Variants in HIPK2 observed in about 807,000 individuals in gnomAD.
The protein encoded by HIPK2 is homeodomain-interacting protein kinase 2.
HIPK2 carries 27 observed loss-of-function variants against 113.7 expected under a neutral mutation model. That is an observed-to-expected ratio of 0.24 (90% CI 0.17 to 0.33). The LOEUF is 0.33. HIPK2 is among the 10% of genes least tolerant of loss of function. The pLI, the probability that HIPK2 is intolerant of heterozygous loss-of-function variation, is 1.00. For synonymous variants in HIPK2, 631 were observed against 642.2 expected, an observed-to-expected ratio of 0.98 and a Z score of 0.26; for missense variants, 1,257 against 1,588.0, an observed-to-expected ratio of 0.79 and a Z score of 3.54.
In HIPK2 at chr7:139,600,610, G is replaced by T. The variant is rs766822131; in HGVS notation, c.2256-14C>A. ...GCATGCGTATTTCTGAAAGGCAACC[G>T]GGACAACAAGGTGCCTTAGAGGTGT... is the stretch of plus-strand genomic sequence containing the variant. On this transcript the variant is annotated splice_polypyrimidine_tract_variant and intron_variant, in intron 10 of 14. Transcript: ENST00000406875. The T allele has an allele frequency of 6.2e-7, 1 of 1,612,770 alleles. No homozygotes were observed. Among genetic ancestry groups the T allele is most frequent in the South Asian group, 1.1e-5 (1 of 90,956 alleles).
intron 2 of HIPK2, among the ~76,000 whole-genome samples, chr7:139,693,877 T>G (rs1477899105): frequency 3.3e-5 from 5 of 152,160 alleles, no homozygotes; most frequent in Non-Finnish European, 5.9e-5. Context: ...TAAAATGCAG[T>G]ATCCCGCAGG....
intron 2 of HIPK2, among the ~76,000 whole-genome samples, chr7:139,673,885 T>TAAA (rs60905469): frequency 7.5e-4 from 55 of 73,444 alleles, no homozygotes; most frequent in Non-Finnish European, 1.1e-3. Flanking sequence ...CTATCTGTAC[T>TAAA]AAAAAAAAAA....
At chr7:139,607,316 C>T (rs1799654103) in intron 9 of HIPK2, among the ~76,000 whole-genome samples, 1 of 149,418 alleles carries the variant, frequency 6.7e-6, no homozygotes, top group Non-Finnish European at 1.5e-5. Flanking sequence ...AAGAAATTAT[C>T]AAAGGAAAAA....
intron 1 of HIPK2, among the ~76,000 whole-genome samples, chr7:139,738,733 A>T (rs1796016393): frequency 6.6e-6 from 1 of 152,218 alleles, no homozygotes; most frequent in African/African-American, 2.4e-5. Flanking sequence ...GTATAGGGGT[A>T]GTCTTTGTAC....
chr7:139,576,789 G>C (rs1386754879), intron 13 of HIPK2, among the ~76,000 whole-genome samples: 1 of 152,258 alleles, frequency 6.6e-6, no homozygotes, highest in Non-Finnish European at 1.5e-5. Context: ...GGACAGGGCA[G>C]GACAGGGCAT....
Position 139,614,295 on chromosome 7 carries a change from CG to C in HIPK2, c.1980del (p.Gly661AlafsTer63). ...PFQQALIVCP[P>X]GFQGLQASPS... The stretch of plus-strand genomic sequence containing the variant: ...GGCTGCTCAATCTTACCTTGGAAGC[CG>C]GGGGGACACACGATGAGAGCTTGCT... On this transcript the variant is annotated frameshift_variant, in exon 8 of 15. Coordinates refer to ENST00000406875, the MANE Select transcript of HIPK2 (RefSeq NM_022740.5). LOFTEE classifies it high-confidence loss of function. The C allele has an allele frequency of 1.7e-5, 26 of 1,506,552 alleles. No individual in the cohort carries two copies. Among genetic ancestry groups the C allele is most frequent in the South Asian group, 6.4e-5 (5 of 78,036 alleles). The allele number at this position is 1,506,552 out of a possible 1,614,324, so 93.3% of individuals were successfully genotyped here. A position where few individuals can be genotyped will look rare whatever the true frequency, so the allele number is the denominator to read the frequency against.
In HIPK2 at chr7:139,621,793, C is replaced by T. The variant is rs552430034; in HGVS notation, c.1620-1230G>A. 2.4e-4 allele frequency among the ~76,000 whole-genome samples: 37 copies of T among 151,654 alleles called. 1 individual carries two copies. The South Asian group carries it at 7.1e-3, about 29-fold the overall frequency. On this transcript the variant is annotated intron_variant, in intron 6 of 14. Coordinates refer to ENST00000406875, the MANE Select transcript of HIPK2 (RefSeq NM_022740.5). ...TAAAAATTAGCTGGCTGTGGTGGCA[C>T]GTGCGCATGGTCCCAGCTACTTAGG...
chr7:139,575,241 T>C lies in HIPK2; in HGVS notation c.3013A>G (p.Asn1005Asp). ...SSSYKSKSSS[N>D]VTSTSGHSSG... Reference sequence around the variant, plus strand: ...GAGTGACCGCTGGTGGAGGTCACGTTGCTGGAGGACTTGGACTTGTAGGAG... The same window carrying C: ...GAGTGACCGCTGGTGGAGGTCACGTCGCTGGAGGACTTGGACTTGTAGGAG... Residue 1005 changes from asparagine to aspartate, a missense_variant, in exon 14 of 15, where the codon AAC (asparagine) becomes GAC (aspartate). Around this residue, in one of 5 missense-constraint regions of HIPK2, gnomAD observed 862 missense variants for 1,004.3 expected, o/e 0.86. Coordinates refer to ENST00000406875, the MANE Select transcript of HIPK2 (RefSeq NM_022740.5). The C allele has an allele frequency of 6.3e-7, 1 of 1,580,016 alleles. No individual in the cohort carries two copies. Among genetic ancestry groups the C allele is most frequent in the Non-Finnish European group, 8.6e-7 (1 of 1,162,914 alleles).
chr7:139,613,299 T>G lies in HIPK2; in HGVS notation c.2015A>C (p.His672Pro). 6.2e-7 allele frequency: 1 copy of G among 1,613,610 alleles called. No homozygotes were observed. Among genetic ancestry groups the G allele is most frequent in the South Asian group, 1.1e-5 (1 of 90,978 alleles). Residue 672 changes from histidine to proline, a missense_variant, in exon 9 of 15, where the codon CAC becomes CCC. This residue lies in a region of HIPK2 where 862 missense variants were observed against 1,004.3 expected (regional missense o/e 0.86). Transcript: ENST00000406875. The surrounding 1 kb of genome is among the most constrained non-coding windows in gnomAD (Gnocchi z 4.2). ...FQGLQASPSK[H>P]AGYSVRMENA... is the part of the protein sequence containing the mutation. ...TTCCATTCGCACCGAGTAGCCAGCG[T>G]GCTTAGAGGGAGAGGCCTGCAAGCC...
At chr7:139,605,947 C>T (rs1799603900) in intron 9 of HIPK2, among the ~76,000 whole-genome samples, 1 of 152,088 alleles carries the variant, frequency 6.6e-6, no homozygotes, top group Non-Finnish European at 1.5e-5. Flanking sequence ...CTGACTTAGC[C>T]AATTGGAACT....
chr7:139,677,729 C>T (rs920409875), intron 2 of HIPK2, among the ~76,000 whole-genome samples: 6 of 152,194 alleles, frequency 3.9e-5, no homozygotes, highest in South Asian at 2.1e-4. Flanking sequence ...TCCCCTAGCC[C>T]GCCACAGTAA....
intron 9 of HIPK2, among the ~76,000 whole-genome samples, chr7:139,606,477 G>A (rs1448772933): frequency 2.0e-5 from 3 of 152,208 alleles, no homozygotes; most frequent in African/African-American, 4.8e-5. Context: ...TAAGGGCAAA[G>A]AGAGTAGGAG....
chr7:139,626,594 C>T lies in HIPK2; in HGVS notation c.1619+7G>A, dbSNP rs1299619106. On this transcript the variant is annotated splice_region_variant and intron_variant, in intron 6 of 14. Transcript: ENST00000406875. ...CCCTGGTACGAAGCATCAGGCAGGA[C>T]ACCTACTGTGTGCTGTGGGGAAAAT... 6.2e-7 allele frequency: 1 copy of T among 1,612,298 alleles called. No homozygotes were observed. The highest frequency in any genetic ancestry group is 8.5e-7 in the Non-Finnish European group (1 of 1,179,014).
intron 1 of HIPK2, among the ~76,000 whole-genome samples, chr7:139,769,342 G>A (rs1332449590): frequency 6.6e-6 from 1 of 152,184 alleles, no homozygotes; most frequent in Middle Eastern, 3.2e-3. Flanking sequence ...AGGCCTACCA[G>A]CATGGCCCAC....
At chr7:139,712,983 C>G (rs1308023985) in intron 2 of HIPK2, among the ~76,000 whole-genome samples, 1 of 152,142 alleles carries the variant, frequency 6.6e-6, no homozygotes, top group Non-Finnish European at 1.5e-5. Context: ...GGGCTGGGCA[C>G]AGGGAGGCTG....
intron 2 of HIPK2, among the ~76,000 whole-genome samples, chr7:139,694,712 C>CTTTGG (rs1794515565): frequency 6.6e-6 from 1 of 152,068 alleles, no homozygotes; most frequent in African/African-American, 2.4e-5. Context: ...GTAGTGTCTG[C>CTTTGG]TTTGGTTTAG....
At chr7:139,666,975 C>T (rs977240609) in intron 2 of HIPK2, among the ~76,000 whole-genome samples, 6 of 151,856 alleles carry the variant, frequency 4.0e-5, no homozygotes, top group Non-Finnish European at 5.9e-5. Flanking sequence ...GCAGAAGAAT[C>T]GCTTGAACCT....
intron 2 of HIPK2, among the ~76,000 whole-genome samples, chr7:139,658,514 AG>A (rs1479616491): frequency 2.0e-5 from 3 of 152,260 alleles, no homozygotes; most frequent in African/African-American, 7.2e-5. Context: ...CATGAGAAGT[AG>A]GAAAGCGAAA....
At chr7:139,653,873 A>C (rs1585332894) in intron 2 of HIPK2, among the ~76,000 whole-genome samples, 2 of 151,810 alleles carry the variant, frequency 1.3e-5, no homozygotes, top group Middle Eastern at 6.8e-3. Context: ...GCTGGGGTTA[A>C]AGGTGCCTGC....
Sources: gnomAD v4.1 joint callset for allele counts (sites outside exome capture counted in the v4.1 genomes callset) on GRCh38, gnomAD v4.1.1 for gene constraint, gnomAD v4.1.1 regional missense constraint, Gnocchi (gnomAD v3.1) non-coding constraint, MANE v1.5 for transcripts, NCBI Gene and HGNC (gene_info 2026-07-23, HGNC 2026-07-21) for gene names.